ERC1: variants seen among roughly 807,000 people sequenced by gnomAD.
ERC1 encodes the protein RAB6 interacting protein 2.
Under a neutral mutation model 132.0 loss-of-function variants are expected in ERC1, and 56 were observed. The ratio of observed to expected loss-of-function variants is 0.42; its 90% confidence interval spans 0.34 to 0.53. ERC1 has a LOEUF of 0.53. Ranked by LOEUF, ERC1 falls within the 20% of genes least tolerant of loss-of-function variation. The pLI is 0.03. For synonymous variants in ERC1, 478 were observed against 476.1 expected (o/e 1.00, Z -0.05); for missense variants, 1,202 against 1,349.9 (o/e 0.89, Z 1.72).
At chr12:1,391,815 C>T (rs930644534) in intron 16 of ERC1, among the ~76,000 whole-genome samples, 3 of 152,158 alleles carry the variant, frequency 2.0e-5, no homozygotes, top group Admixed American at 2.0e-4. Flanking sequence ...AGAGTGGGCT[C>T]CTGTTGAAGC....
intron 15 of ERC1, among the ~76,000 whole-genome samples, chr12:1,322,223 C>CTG (rs1594986797): frequency 1.4e-5 from 2 of 143,770 alleles, no homozygotes; most frequent in East Asian, 3.9e-4. Flanking sequence ...CATAAGAATG[C>CTG]TGTAAACATA....
intron 15 of ERC1, among the ~76,000 whole-genome samples, chr12:1,345,475 G>A (rs1034011545): frequency 6.6e-6 from 1 of 152,206 alleles, no homozygotes; most frequent in South Asian, 2.1e-4. Flanking sequence ...GAGCCACCAC[G>A]CCTGGCCAGA....
At chr12:991,470 G>C (rs948109257) in intron 1 of ERC1, 148 bp downstream of exon 1, 7 of 152,574 alleles carry the variant, frequency 4.6e-5, no homozygotes, top group African/African-American at 1.4e-4. Flanking sequence ...GCGCCCCCGG[G>C]GAGGGGCGGA....
intron 13 of ERC1, among the ~76,000 whole-genome samples, chr12:1,239,953 G>A (rs913999325): frequency 6.6e-6 from 1 of 152,132 alleles, no homozygotes; most frequent in Non-Finnish European, 1.5e-5. Context: ...AAGTTCCTGG[G>A]TGATGATAAA....
At chr12:1,126,399 G>A (rs1196656246) in intron 7 of ERC1, among the ~76,000 whole-genome samples, 1 of 152,126 alleles carries the variant, frequency 6.6e-6, no homozygotes, top group African/African-American at 2.4e-5. Flanking sequence ...GCAAAATTAA[G>A]CAAGTATGAG....
At chr12:1,330,824 A>G (rs533847886) in intron 15 of ERC1, among the ~76,000 whole-genome samples, 1 of 152,092 alleles carries the variant, frequency 6.6e-6, no homozygotes, top group East Asian at 1.9e-4. Context: ...TCTTTTTTAC[A>G]TGTCTCTTAA....
In ERC1 at chr12:1,285,993, C is replaced by G. The variant is rs1462284713; in HGVS notation, c.2620-3859C>G. On this transcript the variant is annotated intron_variant, in intron 14 of 18. Transcript: ENST00000360905. ...TCAAGGTTGGCTTAACAGTAGAAAA[C>G]TACTGTAATCCTGGCTAGGCGTGGT... is the stretch of plus-strand genomic sequence containing the variant. 2.0e-5 allele frequency among the ~76,000 whole-genome samples: 3 copies of G among 152,228 alleles called. No homozygotes were observed. The East Asian group carries it at 5.8e-4, about 29-fold the overall frequency.
At chr12:1,052,069 A>G (rs1010188066) in intron 2 of ERC1, among the ~76,000 whole-genome samples, 1 of 152,200 alleles carries the variant, frequency 6.6e-6, no homozygotes. Flanking sequence ...TTAAATTGTC[A>G]GCTAGTCCCC....
In ERC1 at chr12:1,115,945, A is replaced by G. The variant is rs758012775; in HGVS notation, c.1481A>G (p.Asn494Ser). 2.5e-6 allele frequency: 4 copies of G among 1,614,168 alleles called. No homozygotes were observed. In the South Asian group the frequency reaches 4.4e-5, roughly 18 times the overall value. The change falls in exon 7 of 19, where the codon AAC becomes AGC. Residue 494 changes from asparagine to serine, a missense_variant. Transcript: ENST00000360905. ...ALQTKLETLT[N>S]QFSDSKQHIE... is the part of the protein sequence containing the mutation. ...CAGACAAAGCTAGAAACACTCACAA[A>G]CCAGTTCTCAGATAGTAAACAGCAC...
chr12:1,364,368 T>C (rs1225988250), intron 15 of ERC1, among the ~76,000 whole-genome samples: 4 of 152,220 alleles, frequency 2.6e-5, no homozygotes, highest in African/African-American at 9.6e-5. Flanking sequence ...TATTTCTATA[T>C]TACGTACAAA....
rs1963880316 is a variant in ERC1 at position 1,007,491 on chromosome 12, TCTTTCTC to T, written c.-157+16170_-157+16176del. 5.5e-5 allele frequency among the ~76,000 whole-genome samples: 8 copies of T among 144,444 alleles called. No homozygotes were observed. In the Middle Eastern group the frequency reaches 0.018, roughly 329 times the overall value. 94.8% of individuals were successfully genotyped at this position (144,444 alleles called of 152,430 possible). ...CTCTCTCTCTCTCTCTCTCTCTCTC[TCTTTCTC>T]TCTCTCTCACTGGGTAATTCTCTCT... On this transcript the variant is annotated intron_variant, in intron 1 of 18. Transcript: ENST00000360905.
At chr12:1,047,279 G>C (rs1971224600) in intron 2 of ERC1, among the ~76,000 whole-genome samples, 1 of 151,904 alleles carries the variant, frequency 6.6e-6, no homozygotes, top group Non-Finnish European at 1.5e-5. Context: ...TAAGGCATAA[G>C]CCCCCCGTCA....
Position 1,219,992 on chromosome 12 carries a change from C to A in ERC1, c.2352-16777C>A, listed in dbSNP as rs370375719. 1.2e-3 allele frequency among the ~76,000 whole-genome samples: 185 copies of A among 152,316 alleles called. 1 individual carries two copies. The South Asian group carries it at 0.015, about 12-fold the overall frequency. On this transcript the variant is annotated intron_variant, in intron 12 of 18. Transcript: ENST00000360905. Reference sequence around the variant, plus strand: ...GCTTAGGCTCTGTATCCTATGGCTTCTTGCCACCCCTGTAACCCCACCACA... The same window carrying A: ...GCTTAGGCTCTGTATCCTATGGCTTATTGCCACCCCTGTAACCCCACCACA...
rs370033221 is a variant in ERC1 at position 1,054,253 on chromosome 12, A to G, written c.669+25681A>G. 2.6e-4 allele frequency among the ~76,000 whole-genome samples: 39 copies of G among 152,286 alleles called. 2 individuals carry two copies. The South Asian group carries it at 8.1e-3, about 32-fold the overall frequency. The stretch of plus-strand genomic sequence containing the variant: ...CAGACATTCAAATTAAAGCCTAATC[A>G]ATAACTTTCTTCTTCGTAGAGGGCC... On this transcript the variant is annotated intron_variant, in intron 2 of 18. Coordinates refer to ENST00000360905, the MANE Select transcript of ERC1 (RefSeq NM_178040.4).
At chr12:1,083,644 C>T in intron 3 of ERC1, 64 bp downstream of exon 3, 1 of 1,288,418 alleles carries the variant, frequency 7.8e-7, no homozygotes, top group Admixed American at 2.2e-5. Flanking sequence ...GATTAATCAG[C>T]ATCTTGGCCC....
intron 18 of ERC1, among the ~76,000 whole-genome samples, chr12:1,479,277 C>A (rs2094038207): frequency 6.6e-6 from 1 of 152,138 alleles, no homozygotes; most frequent in Non-Finnish European, 1.5e-5. Flanking sequence ...TCTGCATTTC[C>A]ACTTACTCTT....
chr12:1,118,379 T>C (rs1370264870), intron 7 of ERC1, among the ~76,000 whole-genome samples: 2 of 152,216 alleles, frequency 1.3e-5, no homozygotes, highest in Admixed American at 6.5e-5. Context: ...AATATTCTTA[T>C]TAGCCAGGTC....
At chr12:1,221,067 A>G (rs1958938572) in intron 12 of ERC1, among the ~76,000 whole-genome samples, 1 of 152,146 alleles carries the variant, frequency 6.6e-6, no homozygotes, top group Non-Finnish European at 1.5e-5. Flanking sequence ...CATTGGACTT[A>G]TCACTGTCTG....
intron 15 of ERC1, among the ~76,000 whole-genome samples, chr12:1,342,630 A>G (rs1595117351): frequency 6.6e-6 from 1 of 152,322 alleles, no homozygotes; most frequent in East Asian, 1.9e-4. Flanking sequence ...CTAGTCTTTT[A>G]GCTAGCTCTT....
Sources: allele counts gnomAD v4.1 joint callset (sites outside exome capture counted in the v4.1 genomes callset), GRCh38; gene constraint gnomAD v4.1.1; transcripts MANE v1.5; gene names NCBI Gene and HGNC (gene_info 2026-07-23, HGNC 2026-07-21).